MIA2: variants seen among roughly 807,000 people sequenced by gnomAD.
MIA2 encodes the protein MIA SH3 domain ER export factor 2.
Under a neutral mutation model 167.8 loss-of-function variants are expected in MIA2, and 127 were observed. That is an observed-to-expected ratio of 0.76 (90% CI 0.66 to 0.88). MIA2 has a LOEUF of 0.88. MIA2 is among the 40% of genes least tolerant of loss of function. MIA2 has a pLI of 0.00. For synonymous variants in MIA2, 552 were observed against 541.9 expected (o/e 1.02, Z -0.26); for missense variants, 1,690 against 1,624.7 (o/e 1.04, Z -0.69).
At chr14:39,347,818 CTTTTT>C (rs59832680) in intron 27 of MIA2, 47 bp downstream of exon 27, 249 of 705,770 alleles carry the variant, frequency 3.5e-4, no homozygotes, top group Non-Finnish European at 3.9e-4. Flanking sequence ...CAGAAGCCTT[CTTTTT>C]TTTTTTTTTT....
intron 23 of MIA2, among the ~76,000 whole-genome samples, chr14:39,320,254 ATT>A (rs1419959579): frequency 6.6e-6 from 1 of 152,048 alleles, no homozygotes; most frequent in Non-Finnish European, 1.5e-5. Flanking sequence ...TTTTGTTTGT[ATT>A]TTGTTTTTGA....
chr14:39,243,272 G>A (rs1047123092), intron 3 of MIA2, among the ~76,000 whole-genome samples: 6 of 152,182 alleles, frequency 3.9e-5, no homozygotes, highest in African/African-American at 1.2e-4. Context: ...CTTTAATAGA[G>A]AGAGAGGCAA....
downstream of MIA2, among the ~76,000 whole-genome samples, chr14:39,352,697 A>G (rs1283085640): frequency 2.0e-5 from 3 of 152,128 alleles, no homozygotes; most frequent in Admixed American, 2.0e-4. Flanking sequence ...TTACTTATTA[A>G]TGCTGTATAA....
In MIA2 at chr14:39,386,526, C is replaced by T. The variant is rs559987988; in HGVS notation, c.2249-359C>T. Reference sequence around the variant, plus strand: ...TTCTTGGCCTTTTTTTTTATATTCACATTTCTCCTTTTTCTTTGGTGATTT... The same window carrying T: ...TTCTTGGCCTTTTTTTTTATATTCATATTTCTCCTTTTTCTTTGGTGATTT... On this transcript the variant is annotated intron_variant, in intron 23 of 23. Transcript: ENST00000341502. 6 of 1,357,988 alleles carry T rather than the reference C, an allele frequency of 4.4e-6. No homozygotes were observed. In the Admixed American group the frequency reaches 1.0e-4, roughly 23 times the overall value. 84.1% of individuals were successfully genotyped at this position (1,357,988 alleles called of 1,614,324 possible).
chr14:39,258,291 ACTTT>A (rs2054914423), intron 6 of MIA2, among the ~76,000 whole-genome samples: 1 of 151,998 alleles, frequency 6.6e-6, no homozygotes, highest in Non-Finnish European at 1.5e-5. Flanking sequence ...TCCTTTTCAT[ACTTT>A]TTTCTCTAAT....
At chr14:39,385,417 G>A in intron 23 of MIA2, 2 of 1,310,180 alleles carry the variant, frequency 1.5e-6, no homozygotes, top group Non-Finnish European at 2.2e-6. Flanking sequence ...TTCTGTACTT[G>A]ATGTGTTACT....
intron 20 of MIA2, chr14:39,315,120 TAAAAAAAAAAAAA>T (rs558848153): frequency 1.9e-5 from 2 of 105,888 alleles, no homozygotes; most frequent in South Asian, 3.0e-4. Context: ...CTGTCTCTAC[TAAAAAAAAAAAAA>T]AAAAAAAAAA....
intron 9 of MIA2, among the ~76,000 whole-genome samples, chr14:39,283,222 G>C (rs560759057): frequency 1.3e-5 from 2 of 152,288 alleles, no homozygotes; most frequent in East Asian, 3.9e-4. Context: ...GTGTGTAGAA[G>C]GTGCCAATTT....
chr14:39,373,280 A>G (rs2074983443), intron 23 of MIA2, among the ~76,000 whole-genome samples: 1 of 147,406 alleles, frequency 6.8e-6, no homozygotes, highest in African/African-American at 2.5e-5. Flanking sequence ...CTGGCTTTCT[A>G]TGTTAAAAAG....
chr14:39,353,158 A>G (rs1282537958), downstream of MIA2, among the ~76,000 whole-genome samples: 1 of 152,190 alleles, frequency 6.6e-6, no homozygotes, highest in Non-Finnish European at 1.5e-5. Flanking sequence ...GGGGGTATCC[A>G]CCATCTTGAG....
intron 14 of MIA2, 34 bp from the exon 15 acceptor site, chr14:39,302,095 C>A: frequency 6.2e-7 from 1 of 1,605,098 alleles, no homozygotes; most frequent in East Asian, 2.2e-5. Context: ...TAAGGCATTA[C>A]CCTCTCTATT....
At chr14:39,355,084 A>AGT (rs59176548), downstream of MIA2, among the ~76,000 whole-genome samples, 1 of 151,000 alleles carries the variant, frequency 6.6e-6, no homozygotes, top group Admixed American at 6.6e-5. Flanking sequence ...GGTTTTTTCC[A>AGT]TCTGTGAAGA....
At position 39,288,455 on chromosome 14, in the gene MIA2, A is replaced by ATT. The variant is rs1566747448; in HGVS notation, c.2131-2563_2131-2562insTT. On this transcript the variant is annotated intron_variant, in intron 9 of 28. Transcript: ENST00000640607. ...TACATATATATATATATATATATAT[A>ATT]TATATATATATATATATATATTTTT... Among the ~76,000 whole-genome samples the ATT allele has an allele frequency of 6.3e-4, 10 of 15,782 alleles. 1 individual carries two copies. The highest frequency in any genetic ancestry group is 1.8e-3 in the Admixed American group (2 of 1,142). The allele number at this position is 15,782 out of a possible 152,430, so 10.4% of individuals were successfully genotyped here. A position where few individuals can be genotyped will look rare whatever the true frequency, so the allele number is the denominator to read the frequency against.
At chr14:39,286,872 TG>T in intron 9 of MIA2, among the ~76,000 whole-genome samples, 1 of 138,956 alleles carries the variant, frequency 7.2e-6, no homozygotes. Flanking sequence ...TTTCTGTGTG[TG>T]TGTGTGTGTG....
At position 39,320,818 on chromosome 14, in the gene MIA2, C is replaced by T. The variant is rs1272171037; in HGVS notation, c.3368-110C>T. 1.0e-5 allele frequency: 12 copies of T among 1,200,948 alleles called. No individual in the cohort carries two copies. The African/African-American group carries it at 1.5e-4, about 15-fold the overall frequency. 74.4% of individuals were successfully genotyped at this position (1,200,948 alleles called of 1,614,324 possible). On this transcript the variant is annotated intron_variant, in intron 23 of 28. Coordinates refer to ENST00000640607, the MANE Select transcript of MIA2 (RefSeq NM_001329214.4). ...GGATACATTCAGGACATAGATTAAA[C>T]TTAAATTGGCAATAGGATGACCTGA...
intron 16 of MIA2, 89 bp downstream of exon 16, chr14:39,303,613 T>A (rs1566832668): frequency 1.4e-5 from 12 of 864,670 alleles, no homozygotes; most frequent in Non-Finnish European, 1.6e-5. Context: ...AAAAGTCCAT[T>A]TTATTGTTCC....
At chr14:39,382,062 A>G (rs930722538) in intron 23 of MIA2, among the ~76,000 whole-genome samples, 5 of 152,170 alleles carry the variant, frequency 3.3e-5, no homozygotes. Flanking sequence ...AAAAAAACTC[A>G]AACTTGCCTT....
intron 25 of MIA2, among the ~76,000 whole-genome samples, chr14:39,332,078 A>T (rs146582803): frequency 6.6e-6 from 1 of 152,188 alleles, no homozygotes; most frequent in Admixed American, 6.5e-5. Flanking sequence ...CAGGTACACC[A>T]ATCAAATATA....
chr14:39,322,534 C>T (rs977884954), intron 24 of MIA2, among the ~76,000 whole-genome samples: 7 of 138,348 alleles, frequency 5.1e-5, no homozygotes, highest in East Asian at 4.1e-4. Flanking sequence ...AGCGAGACTC[C>T]GTCTCAAAAA....
Sources: allele counts gnomAD v4.1 joint callset (sites outside exome capture counted in the v4.1 genomes callset), GRCh38; gene constraint gnomAD v4.1.1; transcripts MANE v1.5; gene names NCBI Gene and HGNC (gene_info 2026-07-23, HGNC 2026-07-21).